The following MLIP variants were observed in gnomAD, a reference collection of about 807,000 sequenced individuals.
MLIP encodes the protein muscular LMNA-interacting protein.
A neutral mutation model predicts 84.8 loss-of-function variants in MLIP; 79 were observed. The ratio of observed to expected loss-of-function variants is 0.93; its 90% CI spans 0.78 to 1.12. MLIP has a LOEUF of 1.12. Among genes scored for constraint, MLIP ranks in the 50% most tolerant of loss-of-function variants. MLIP has a pLI of 0.00. For missense variants in MLIP, 1,257 were observed against 1,160.6 expected (o/e 1.08, Z -1.21); for synonymous variants, 504 against 463.0 (o/e 1.09, Z -1.14).
At chr6:54,107,640 C>T (rs917759273), upstream of MLIP, among the ~76,000 whole-genome samples, 1 of 152,174 alleles carries the variant, frequency 6.6e-6, no homozygotes, top group Non-Finnish European at 1.5e-5. Context: ...ATGCATTGCC[C>T]ATGCAGTCTG....
chr6:54,226,377 T>C lies in MLIP; in HGVS notation c.2719-4337T>C, dbSNP rs983727433. On this transcript the variant is annotated intron_variant, in intron 11 of 13. Coordinates refer to ENST00000502396, the MANE Select transcript of MLIP (RefSeq NM_001281747.2). ...CACTTGTAGCCAGGCCTTTGCCTTC[T>C]AGCCAGGAGATTGAAAATGTCTTTT... Among the ~76,000 whole-genome samples, 38 of 152,290 alleles carry C rather than the reference T, an allele frequency of 2.5e-4. 1 individual carries two copies. Among genetic ancestry groups the C allele is most frequent in the Middle Eastern group, 3.4e-3 (1 of 294 alleles).
At chr6:54,224,467 A>G (rs191465354) in intron 11 of MLIP, among the ~76,000 whole-genome samples, 1 of 152,242 alleles carries the variant, frequency 6.6e-6, no homozygotes, top group Admixed American at 6.5e-5. Context: ...CAAGTCACAA[A>G]TAGATTCCCA....
At chr6:54,168,395 A>C (rs1347283509) in intron 8 of MLIP, among the ~76,000 whole-genome samples, 1 of 151,902 alleles carries the variant, frequency 6.6e-6, no homozygotes, top group Non-Finnish European at 1.5e-5. Context: ...AGAAGCAAAT[A>C]AATTTTTATC....
chr6:54,207,664 C>A lies in MLIP; in HGVS notation c.2718+5431C>A, dbSNP rs548263617. On this transcript the variant is annotated intron_variant, in intron 11 of 13. Transcript: ENST00000502396. Reference sequence around the variant, plus strand: ...TCATAATGGTCTGAAGCATTATTTGCTTAACAAATAGTTGGTGGATATGTA... The same window carrying A: ...TCATAATGGTCTGAAGCATTATTTGATTAACAAATAGTTGGTGGATATGTA... Among the ~76,000 whole-genome samples the A allele has an allele frequency of 2.0e-5, 3 of 152,272 alleles. No individual in the cohort carries two copies. The East Asian group carries it at 5.8e-4, about 29-fold the overall frequency.
intron 1 of MLIP, among the ~76,000 whole-genome samples, chr6:54,026,666 G>A (rs1316845334): frequency 6.6e-6 from 1 of 152,000 alleles, no homozygotes; most frequent in Non-Finnish European, 1.5e-5. Context: ...GTGTACAGGT[G>A]TTTAATTCAC....
At chr6:54,255,092 A>G (rs1782918554) in intron 12 of MLIP, among the ~76,000 whole-genome samples, 1 of 152,044 alleles carries the variant, frequency 6.6e-6, no homozygotes, top group Admixed American at 6.5e-5. Context: ...CCTTGACTTC[A>G]GTGCCTGGCT....
chr6:54,160,404 A>G lies in MLIP; in HGVS notation c.2327A>G (p.Lys776Arg). Reference sequence around the variant, plus strand: ...CCAGCCAAGACTGAAAGTGTCTCCAAGGACAACACATTAGAACCACCAGTG... The same window carrying G: ...CCAGCCAAGACTGAAAGTGTCTCCAGGGACAACACATTAGAACCACCAGTG... ...DEPAKTESVS[K>R]DNTLEPPVEL... The change falls in exon 6 of 14, where the codon AAG becomes AGG. Residue 776 changes from lysine (K) to arginine (R), a missense_variant. Physicochemically the swap from Lys to Arg is conservative, Grantham distance 26 (BLOSUM62 2). Transcript: ENST00000502396. 1 of 1,612,504 alleles carries G rather than the reference A, an allele frequency of 6.2e-7. No individual in the cohort carries two copies.
At chr6:54,229,131 C>T (rs1780802615) in intron 11 of MLIP, among the ~76,000 whole-genome samples, 1 of 152,130 alleles carries the variant, frequency 6.6e-6, no homozygotes, top group Non-Finnish European at 1.5e-5. Flanking sequence ...ACAAATTTAT[C>T]ACTCTGTTAG....
At chr6:54,237,991 A>G (rs538497112) in intron 12 of MLIP, among the ~76,000 whole-genome samples, 164 of 152,182 alleles carry the variant, frequency 1.1e-3, no homozygotes, top group Non-Finnish European at 2.0e-3. Context: ...ATATTTTAAA[A>G]TTGTATCTAA....
chr6:54,121,565 A>G lies in MLIP; in HGVS notation c.215A>G (p.Glu72Gly), dbSNP rs1770457082. Residue 72 changes from glutamate (E) to glycine (G), a missense_variant, in exon 2 of 14, where the codon GAA becomes GGA. Physicochemically the swap from Glu to Gly is moderately conservative, Grantham distance 98 (BLOSUM62 -2). Coordinates refer to ENST00000502396, the MANE Select transcript of MLIP (RefSeq NM_001281747.2). The stretch of plus-strand genomic sequence containing the variant: ...TCTAAATTCCTTGTTAAAATTCCAG[A>G]AGAATCAAGTGATAAGAGTCCAGAA... ...DTSKFLVKIP[E>G]ESSDKSPETV... 6.2e-7 allele frequency: 1 copy of G among 1,613,496 alleles called. No homozygotes were observed.
chr6:54,090,956 C>T (rs1767830804), intron 1 of MLIP, among the ~76,000 whole-genome samples: 1 of 152,082 alleles, frequency 6.6e-6, no homozygotes, highest in South Asian at 2.1e-4. Flanking sequence ...GGGGGCTATA[C>T]TGTAAAGCAG....
intron 11 of MLIP, among the ~76,000 whole-genome samples, chr6:54,209,901 CT>C (rs35868308): frequency 4.8e-3 from 686 of 142,376 alleles, no homozygotes; most frequent in Admixed American, 4.3e-3. Flanking sequence ...TTTTTTCTTT[CT>C]TTTTTTTTTT....
At chr6:54,109,895 T>TTTTC (rs954905906), upstream of MLIP, among the ~76,000 whole-genome samples, 1 of 150,360 alleles carries the variant, frequency 6.7e-6, no homozygotes, top group East Asian at 2.0e-4. Flanking sequence ...TAGGGCTTTC[T>TTTTC]TTTCTTTCTT....
At chr6:54,082,094 G>A (rs935743201) in intron 1 of MLIP, among the ~76,000 whole-genome samples, 3 of 152,048 alleles carry the variant, frequency 2.0e-5, no homozygotes, top group African/African-American at 7.2e-5. Context: ...TTACTCATAT[G>A]ATAACATGGT....
intron 11 of MLIP, among the ~76,000 whole-genome samples, chr6:54,207,409 A>ACCCC (rs34566577): frequency 1.0e-5 from 1 of 98,592 alleles, no homozygotes; most frequent in Non-Finnish European, 2.1e-5. Flanking sequence ...TCACCTCTGC[A>ACCCC]CCCCCCCCCC....
rs1484118209 is a variant in MLIP at position 54,160,611 on chromosome 6, G to A, written c.2439+12G>A. On this transcript the variant is annotated intron_variant, in intron 7 of 13. Transcript: ENST00000502396. ...ATTCCTTGTCTATGGTAATGCTTTA[G>A]ACTAGAATGTGCAATTCAAACATTT... is the stretch of plus-strand genomic sequence containing the variant. The A allele has an allele frequency of 1.9e-6, 3 of 1,599,830 alleles. No individual in the cohort carries two copies. The highest frequency in any genetic ancestry group is 2.6e-6 in the Non-Finnish European group (3 of 1,168,678).
intron 1 of MLIP, among the ~76,000 whole-genome samples, chr6:54,087,451 ATGT>A (rs1369197968): frequency 6.6e-6 from 1 of 152,214 alleles, no homozygotes; most frequent in Non-Finnish European, 1.5e-5. Flanking sequence ...AGAAAAAGAA[ATGT>A]TATTTGATGC....
Position 54,266,088 on chromosome 6 carries a change from C to CA in MLIP, c.*142dup, listed in dbSNP as rs1222398748. The CA allele has an allele frequency of 6.0e-4, 511 of 847,214 alleles. 1 individual carries two copies. Among genetic ancestry groups the CA allele is most frequent in the Non-Finnish European group, 8.2e-4 (440 of 538,732 alleles). 52.5% of individuals were successfully genotyped at this position (847,214 alleles called of 1,614,324 possible). On this transcript the variant is annotated 3_prime_UTR_variant, in exon 14 of 14. Transcript: ENST00000502396. ...TTTATGAGCTGCAGTGCAGCAGAACCAAAAAAAAAGTTTGCTGCAATTATA... is the reference window on the plus strand; with the variant it reads ...TTTATGAGCTGCAGTGCAGCAGAACCAAAAAAAAAAGTTTGCTGCAATTATA...
chr6:54,065,170 T>C lies in MLIP; in HGVS notation c.63+46079T>C, dbSNP rs1314875447. ...ACTTCTTTGTCCCTTGGTTTTCTTA[T>C]CTGAATGGAGAAAGAGCTGTACCTT... On this transcript the variant is annotated intron_variant, in intron 1 of 12. Transcript: ENST00000274897. Among the ~76,000 whole-genome samples, 5 of 100,870 alleles carry C rather than the reference T, an allele frequency of 5.0e-5. 2 individuals are homozygous for C. The highest frequency in any genetic ancestry group is 8.6e-5 in the Non-Finnish European group (3 of 34,998). 66.2% of individuals were successfully genotyped at this position (100,870 alleles called of 152,430 possible). A position where few individuals can be genotyped will look rare whatever the true frequency, so the allele number is the denominator to read the frequency against.
Sources: gnomAD v4.1 joint callset for allele counts (sites outside exome capture counted in the v4.1 genomes callset) on GRCh38, gnomAD v4.1.1 for gene constraint, MANE v1.5 for transcripts, NCBI Gene and HGNC (gene_info 2026-07-23, HGNC 2026-07-21) for gene names.